Variants in GPC5 observed in about 807,000 individuals in gnomAD.
The protein encoded by GPC5 is glypican 5.
A neutral mutation model predicts 53.9 loss-of-function variants in GPC5; 47 were observed. The observed-to-expected ratio is 0.87, with a 90% confidence interval of 0.69 to 1.11. The LOEUF is 1.11. Among genes scored for constraint, GPC5 ranks in the 50% most tolerant of loss-of-function variants. GPC5 has a pLI of 0.00. For missense variants in GPC5, 748 were observed against 713.1 expected (o/e 1.05, Z -0.56); for synonymous variants, 286 against 263.3 (o/e 1.09, Z -0.84).
At chr13:91,571,091 G>A (rs940347975) in intron 2 of GPC5, among the ~76,000 whole-genome samples, 4 of 152,026 alleles carry the variant, frequency 2.6e-5, no homozygotes, top group Admixed American at 1.3e-4. Context: ...AATGCTTCTG[G>A]TCTTTGCACT....
At chr13:91,705,702 C>T (rs941811417) in intron 3 of GPC5, among the ~76,000 whole-genome samples, 2 of 149,736 alleles carry the variant, frequency 1.3e-5, no homozygotes, top group South Asian at 2.2e-4. Flanking sequence ...CACCCCCCCC[C>T]CCATATTTCC....
chr13:92,559,662 C>A (rs1882629974), intron 7 of GPC5, among the ~76,000 whole-genome samples: 1 of 151,654 alleles, frequency 6.6e-6, no homozygotes, highest in East Asian at 2.0e-4. Context: ...ATTATTCAAA[C>A]TAGCTAGTCC....
chr13:92,124,238 C>T (rs1375353625), intron 6 of GPC5, among the ~76,000 whole-genome samples: 26 of 132,934 alleles, frequency 2.0e-4, no homozygotes, highest in African/African-American at 7.0e-4. Flanking sequence ...ATCTTAACTC[C>T]GGACAGAATG....
intron 4 of GPC5, among the ~76,000 whole-genome samples, chr13:91,748,313 C>T (rs978060041): frequency 2.0e-5 from 3 of 152,118 alleles, no homozygotes; most frequent in African/African-American, 7.2e-5. Context: ...CAGTTGTTGT[C>T]CTACCTTAGA....
intron 7 of GPC5, among the ~76,000 whole-genome samples, chr13:92,329,247 C>T (rs899261084): frequency 4.6e-5 from 7 of 152,078 alleles, no homozygotes; most frequent in Admixed American, 2.0e-4. Context: ...GCATGGCATC[C>T]GCAGCTGTTC....
At chr13:91,427,171 A>G (rs1011347909) in intron 1 of GPC5, among the ~76,000 whole-genome samples, 1 of 152,196 alleles carries the variant, frequency 6.6e-6, no homozygotes, top group Non-Finnish European at 1.5e-5. Context: ...CAGAGTCTCC[A>G]CTGGGGCACT....
At chr13:92,296,247 C>T (rs1446571088) in intron 7 of GPC5, among the ~76,000 whole-genome samples, 20 of 152,160 alleles carry the variant, frequency 1.3e-4, no homozygotes, top group Admixed American at 9.8e-4. Context: ...GTTAGCCTCC[C>T]GCCAGGAGGT....
At chr13:92,232,396 T>C (rs2042537528) in intron 7 of GPC5, among the ~76,000 whole-genome samples, 2 of 152,214 alleles carry the variant, frequency 1.3e-5, no homozygotes. Flanking sequence ...CAAGCGTATT[T>C]TCTTTTCTTC....
At chr13:92,574,776 GA>G (rs1883140809) in intron 7 of GPC5, among the ~76,000 whole-genome samples, 1 of 152,134 alleles carries the variant, frequency 6.6e-6, no homozygotes. Flanking sequence ...AAATGCCAGA[GA>G]ATCATAATAA....
intron 5 of GPC5, among the ~76,000 whole-genome samples, chr13:91,904,622 T>A (rs569674165): frequency 4.6e-5 from 7 of 152,096 alleles, no homozygotes; most frequent in Non-Finnish European, 8.8e-5. Context: ...GGAGTAATTA[T>A]AATACAAATA....
chr13:92,131,039 G>T (rs1432850175), intron 6 of GPC5, among the ~76,000 whole-genome samples: 1 of 151,840 alleles, frequency 6.6e-6, no homozygotes, highest in African/African-American at 2.4e-5. Context: ...ATGGACTAAT[G>T]ACTTGAATAG....
chr13:92,518,810 T>A (rs1880904096), intron 7 of GPC5, among the ~76,000 whole-genome samples: 1 of 152,140 alleles, frequency 6.6e-6, no homozygotes, highest in Non-Finnish European at 1.5e-5. Context: ...GGCTAAATTC[T>A]CCAATTAAAA....
At chr13:92,623,114 T>TGA (rs1273902718) in intron 7 of GPC5, among the ~76,000 whole-genome samples, 2 of 151,292 alleles carry the variant, frequency 1.3e-5, no homozygotes, top group Non-Finnish European at 2.9e-5. Context: ...TGCAGTGAGC[T>TGA]GAGATTGCAC....
intron 2 of GPC5, among the ~76,000 whole-genome samples, chr13:91,586,054 A>T (rs374724267): frequency 7.5e-6 from 1 of 132,632 alleles, no homozygotes; most frequent in African/African-American, 2.8e-5. Context: ...AAAAAAATTT[A>T]AAAAAAGATT....
intron 7 of GPC5, among the ~76,000 whole-genome samples, chr13:92,741,678 C>G (rs1313341809): frequency 2.6e-5 from 4 of 152,004 alleles, no homozygotes; most frequent in African/African-American, 9.7e-5. Context: ...TGTTGCTGTG[C>G]TGCACCCATT....
chr13:91,955,446 C>T (rs969236386), intron 6 of GPC5, among the ~76,000 whole-genome samples: 4 of 151,964 alleles, frequency 2.6e-5, no homozygotes, highest in Admixed American at 2.6e-4. Context: ...TTTGAATAGA[C>T]GATGTAAGAG....
At chr13:91,775,737 G>A (rs1026425469) in intron 5 of GPC5, among the ~76,000 whole-genome samples, 1 of 152,244 alleles carries the variant, frequency 6.6e-6, no homozygotes, top group East Asian at 1.9e-4. Context: ...TCCCGTGATA[G>A]CATTTATCTA....
At position 91,464,420 on chromosome 13, in the gene GPC5, C is replaced by T. The variant is rs141095560; in HGVS notation, c.325+15498C>T. 1.3e-3 allele frequency among the ~76,000 whole-genome samples: 201 copies of T among 152,194 alleles called. 1 individual carries two copies. The highest frequency in any genetic ancestry group is 3.6e-3 in the African/African-American group (150 of 41,550). The stretch of plus-strand genomic sequence containing the variant: ...TATTATGTTCATGCATAGAACTATA[C>T]ACGAATGTTCATAGCAGCTTTATTT... On this transcript the variant is annotated intron_variant, in intron 2 of 7. Transcript: ENST00000377067.
chr13:92,389,504 CTCTTTGG>C, intron 7 of GPC5, among the ~76,000 whole-genome samples: 1 of 152,248 alleles, frequency 6.6e-6, no homozygotes, highest in African/African-American at 2.4e-5. Context: ...CATTCTAGCT[CTCTTTGG>C]AATCTATTTA....
Sources: allele counts gnomAD v4.1 joint callset (sites outside exome capture counted in the v4.1 genomes callset), GRCh38; gene constraint gnomAD v4.1.1; transcripts MANE v1.5; gene names NCBI Gene and HGNC (gene_info 2026-07-23, HGNC 2026-07-21).